Variants in PI4KA observed in about 807,000 individuals in gnomAD.
The protein encoded by PI4KA is phosphatidylinositol 4-kinase alpha, also known as PI4-kinase alpha.
A neutral mutation model predicts 271.4 loss-of-function variants in PI4KA; 122 were observed. The ratio of observed to expected loss-of-function variants is 0.45; its 90% CI spans 0.39 to 0.52. PI4KA has a LOEUF of 0.52. Among genes scored for constraint, PI4KA ranks in the 20% least tolerant of loss-of-function variants. The pLI is 0.00. For synonymous variants in PI4KA, 1,041 were observed against 1,078.8 expected (o/e 0.96, Z 0.69); for missense variants, 1,969 against 2,769.1 (o/e 0.71, Z 6.48).
chr22:20,740,969 G>T (rs930462137), intron 32 of PI4KA, among the ~76,000 whole-genome samples: 121 of 152,332 alleles, frequency 7.9e-4, no homozygotes, highest in Non-Finnish European at 4.4e-4. Context: ...TGGCAGAGGA[G>T]ATCACAGGAA....
chr22:20,782,009 G>C (rs540175614), intron 19 of PI4KA, among the ~76,000 whole-genome samples: 2 of 152,192 alleles, frequency 1.3e-5, no homozygotes, highest in African/African-American at 4.8e-5. Flanking sequence ...TACAATACTA[G>C]TACAATATGA....
rs564917598 is a variant in PI4KA, at chr22:20,718,758, C to T, written c.5181G>A (p.Ala1727=). ...CAAACTCCCGCTGGTAAAAGTCCTT[C>T]GCTGGGCCGGACAAGGAGCCTGTGA... is the stretch of plus-strand genomic sequence containing the variant. ...EEITGSLSGP[A]KDFYQREFDF... Residue 1727 remains alanine, a synonymous_variant, in exon 44 of 55, where the codon GCG becomes GCA. Transcript: ENST00000255882. The T allele has an allele frequency of 1.6e-4, 254 of 1,614,028 alleles. No individual in the cohort carries two copies. In the South Asian group the frequency reaches 2.1e-3, roughly 14 times the overall value.
At chr22:20,762,031 A>G (rs1376075638) in intron 22 of PI4KA, among the ~76,000 whole-genome samples, 1 of 152,170 alleles carries the variant, frequency 6.6e-6, no homozygotes, top group Non-Finnish European at 1.5e-5. Context: ...GTACTATTCC[A>G]GTGTTTTCTC....
intron 10 of PI4KA, among the ~76,000 whole-genome samples, chr22:20,805,810 C>T (rs1031020384): frequency 5.8e-5 from 8 of 138,146 alleles, no homozygotes; most frequent in South Asian, 2.3e-4. Context: ...CCAGCGTGGG[C>T]GACAGAGCGA....
chr22:20,802,033 T>C lies in PI4KA; in HGVS notation c.1664A>G (p.Lys555Arg), dbSNP rs1048736445. 1.9e-6 allele frequency: 3 copies of C among 1,614,014 alleles called. No individual in the cohort carries two copies. Among genetic ancestry groups the C allele is most frequent in the Admixed American group, 1.7e-5 (1 of 60,000 alleles). The change falls in exon 14 of 55, where the codon AAG becomes AGG. Residue 555 changes from lysine (K) to arginine (R), a missense_variant. Physicochemically the swap from Lys to Arg is conservative, Grantham distance 26. Transcript: ENST00000255882. ...SESTLNVMSG[K>R]KSQPSMYEQL... ...CTCGTACATGGAGGGCTGGCTCTTC[T>C]TACCCGACATGACGTTCAGGGTTGA...
At chr22:20,753,251 T>C in intron 23 of PI4KA, 71 bp from the exon 24 acceptor site, 2 of 1,390,668 alleles carry the variant, frequency 1.4e-6, no homozygotes, top group South Asian at 2.4e-5. Context: ...TCAATCATTT[T>C]CTTTTGAAAT....
chr22:20,749,771 C>G, intron 28 of PI4KA, 134 bp downstream of exon 28: 1 of 644,766 alleles, frequency 1.6e-6, no homozygotes. Flanking sequence ...CTATTATTCT[C>G]AGGCCCTAGA....
chr22:20,763,016 T>TGGG (rs764908841), intron 22 of PI4KA, among the ~76,000 whole-genome samples: 2,918 of 13,262 alleles, frequency 0.22, 56 homozygotes, highest in African/African-American at 0.27. Flanking sequence ...GCTTTTTTTT[T>TGGG]TGGGGGGGGG....
chr22:20,799,613 C>G, intron 15 of PI4KA, 58 bp downstream of exon 15: 1 of 1,212,694 alleles, frequency 8.2e-7, no homozygotes, highest in East Asian at 2.5e-5. Context: ...GCCAGGTGCC[C>G]CACACGAGCC....
chr22:20,751,554 G>C lies in PI4KA; in HGVS notation c.3069+120C>G, dbSNP rs557845442. On this transcript the variant is annotated intron_variant, in intron 26 of 54. Coordinates refer to ENST00000255882, the MANE Select transcript of PI4KA (RefSeq NM_058004.4). ...CCTCACCCCCAACTCGACACCTGTA[G>C]CATTAATTATGTTCAGGCTTATTGT... The C allele has an allele frequency of 4.3e-3, 4,327 of 1,000,422 alleles. 13 individuals are homozygous for C. The highest frequency in any genetic ancestry group is 5.7e-3 in the Non-Finnish European group (3,627 of 636,016). The allele number at this position is 1,000,422 out of a possible 1,614,324, so 62.0% of individuals were successfully genotyped here.
At chr22:20,813,550 A>C in intron 7 of PI4KA, 44 bp from the exon 8 acceptor site, 2 of 1,593,494 alleles carry the variant, frequency 1.3e-6, no homozygotes, top group Non-Finnish European at 1.7e-6. Flanking sequence ...GTGACAGGCA[A>C]CTAGGGTACT....
At chr22:20,715,912 A>G (rs1200415032) in intron 45 of PI4KA, among the ~76,000 whole-genome samples, 1 of 151,810 alleles carries the variant, frequency 6.6e-6, no homozygotes, top group Non-Finnish European at 1.5e-5. Flanking sequence ...CTTTTTTGAG[A>G]TAGAGTCTCA....
intron 28 of PI4KA, among the ~76,000 whole-genome samples, 181 bp downstream of exon 28, chr22:20,749,724 C>T (rs951132470): frequency 6.6e-6 from 1 of 152,276 alleles, no homozygotes; most frequent in Non-Finnish European, 1.5e-5. Flanking sequence ...ACTGGCCCCA[C>T]AGGCGCTCCT....
intron 1 of PI4KA, among the ~76,000 whole-genome samples, chr22:20,841,095 G>C (rs1658932208): frequency 2.0e-5 from 3 of 152,160 alleles, no homozygotes; most frequent in African/African-American, 4.8e-5. Context: ...AAGATGTCTG[G>C]TCTCGAACTC....
chr22:20,755,361 C>A (rs188729286), intron 23 of PI4KA, among the ~76,000 whole-genome samples: 1,619 of 152,252 alleles, frequency 0.011, 12 homozygotes, highest in Non-Finnish European at 0.018. Flanking sequence ...AACAAGGTGC[C>A]CCAGGCTCAT....
intron 29 of PI4KA, 174 bp downstream of exon 29, chr22:20,747,409 C>T: frequency 1.9e-6 from 1 of 525,932 alleles, no homozygotes. Context: ...CAATGGCCAC[C>T]TCTTCTTTGG....
At chr22:20,732,063 A>C (rs1305864774) in intron 36 of PI4KA, among the ~76,000 whole-genome samples, 1 of 151,752 alleles carries the variant, frequency 6.6e-6, no homozygotes, top group East Asian at 1.9e-4. Flanking sequence ...AGTCCCAGCT[A>C]CTCAGGAGGC....
chr22:20,846,720 G>A (rs1472273053), intron 1 of PI4KA, among the ~76,000 whole-genome samples: 2 of 151,078 alleles, frequency 1.3e-5, no homozygotes, highest in Non-Finnish European at 2.9e-5. Flanking sequence ...GCAAGCGTCT[G>A]TAGTCCCAGC....
chr22:20,779,535 G>A, intron 19 of PI4KA: 1 of 1,613,996 alleles, frequency 6.2e-7, no homozygotes, highest in African/African-American at 1.3e-5. Context: ...AGAGGGGGAG[G>A]AGGACGACGA....
Sources: allele counts gnomAD v4.1 joint callset (sites outside exome capture counted in the v4.1 genomes callset), GRCh38; gene constraint gnomAD v4.1.1; transcripts MANE v1.5; gene names NCBI Gene and HGNC (gene_info 2026-07-23, HGNC 2026-07-21).